LRRC4C: variants seen among roughly 807,000 people sequenced by gnomAD.
LRRC4C encodes the protein leucine rich repeat containing 4C.
LRRC4C carries 5 observed loss-of-function variants against 33.6 expected under a neutral mutation model. The ratio of observed to expected loss-of-function variants is 0.15; its 90% CI spans 0.08 to 0.31. The LOEUF is 0.31. Among genes scored for constraint, LRRC4C ranks in the 10% least tolerant of loss-of-function variants. The probability of loss-of-function intolerance (pLI) is 1.00; values close to 1 mark genes in which losing one functional copy is unlikely to be tolerated. For missense variants in LRRC4C, 560 were observed against 796.7 expected (o/e 0.70, Z 3.58); for synonymous variants, 329 against 302.0 (o/e 1.09, Z -0.93).
chr11:40,401,453 T>C (rs552896866), intron 3 of LRRC4C, among the ~76,000 whole-genome samples: 1 of 152,150 alleles, frequency 6.6e-6, no homozygotes, highest in African/African-American at 2.4e-5. Flanking sequence ...GGCTTTCATT[T>C]ACCCTTTGAG....
intron 1 of LRRC4C, among the ~76,000 whole-genome samples, chr11:41,366,569 T>G (rs1425900017): frequency 6.6e-6 from 1 of 152,260 alleles, no homozygotes; most frequent in African/African-American, 2.4e-5. Context: ...TAAATAGAGA[T>G]ATTATAAGCT....
intron 2 of LRRC4C, among the ~76,000 whole-genome samples, chr11:40,659,822 A>G (rs931243718): frequency 3.3e-5 from 5 of 152,152 alleles, no homozygotes; most frequent in Non-Finnish European, 7.4e-5. Flanking sequence ...GTCACTCGAG[A>G]AAACTCCTCT....
chr11:40,902,008 A>G (rs1592039901), intron 2 of LRRC4C, among the ~76,000 whole-genome samples: 1 of 94,018 alleles, frequency 1.1e-5, no homozygotes, highest in East Asian at 2.6e-4. Flanking sequence ...CTACACACAC[A>G]CACACACACA....
intron 2 of LRRC4C, among the ~76,000 whole-genome samples, chr11:40,774,062 G>A (rs1307588521): frequency 2.6e-5 from 4 of 151,978 alleles, no homozygotes; most frequent in Non-Finnish European, 5.9e-5. Flanking sequence ...TGTGTCAATT[G>A]ATCCATGGGC....
At chr11:40,711,487 G>T (rs1001773746) in intron 2 of LRRC4C, among the ~76,000 whole-genome samples, 3 of 152,064 alleles carry the variant, frequency 2.0e-5, no homozygotes, top group Admixed American at 1.3e-4. Context: ...AATAATTCAG[G>T]TTATGGTAGA....
chr11:40,993,993 C>T (rs1341881945), intron 1 of LRRC4C, among the ~76,000 whole-genome samples: 1 of 151,528 alleles, frequency 6.6e-6, no homozygotes, highest in Non-Finnish European at 1.5e-5. Flanking sequence ...ATAACGGGAA[C>T]TGGATGGGGC....
chr11:40,997,407 T>C lies in LRRC4C; in HGVS notation c.-495-63684A>G, dbSNP rs183452181. Among the ~76,000 whole-genome samples, 748 of 152,220 alleles carry C rather than the reference T, an allele frequency of 4.9e-3. 3 individuals are homozygous for C. The highest frequency in any genetic ancestry group is 6.5e-3 in the Non-Finnish European group (440 of 68,002). Reference sequence around the variant, plus strand: ...TTAGAGAGTAGCCAAAGATGTCAGATGTTGCAGAGACGTCAAAAGAGAAAA... The same window carrying C: ...TTAGAGAGTAGCCAAAGATGTCAGACGTTGCAGAGACGTCAAAAGAGAAAA... On this transcript the variant is annotated intron_variant, in intron 1 of 6. Coordinates refer to ENST00000528697, the MANE Select transcript of LRRC4C (RefSeq NM_001258419.2).
chr11:41,245,981 C>T (rs996618374), intron 1 of LRRC4C, among the ~76,000 whole-genome samples: 11 of 152,022 alleles, frequency 7.2e-5, no homozygotes, highest in Admixed American at 2.6e-4. Flanking sequence ...ATGGACAGCC[C>T]TGGAAAAGGC....
At chr11:40,575,060 A>G (rs2135588450) in intron 3 of LRRC4C, among the ~76,000 whole-genome samples, 1 of 152,314 alleles carries the variant, frequency 6.6e-6, no homozygotes. Flanking sequence ...CACCCAAAAG[A>G]TGAGCTCATG....
At chr11:40,391,905 A>C (rs755270720) in intron 3 of LRRC4C, among the ~76,000 whole-genome samples, 3 of 152,210 alleles carry the variant, frequency 2.0e-5, no homozygotes, top group Non-Finnish European at 4.4e-5. Flanking sequence ...GCTGTCCTTC[A>C]CCAGGCGGGT....
chr11:41,184,730 A>T (rs1945609537), intron 1 of LRRC4C, among the ~76,000 whole-genome samples: 1 of 151,914 alleles, frequency 6.6e-6, no homozygotes, highest in Admixed American at 6.6e-5. Flanking sequence ...TCTTTTCAGC[A>T]ACGTCCCACT....
At chr11:40,306,290 G>T (rs536307375) in intron 4 of LRRC4C, among the ~76,000 whole-genome samples, 1 of 152,168 alleles carries the variant, frequency 6.6e-6, no homozygotes, top group South Asian at 2.1e-4. Context: ...TCAAAATATG[G>T]TGTGACCTTG....
chr11:40,428,250 G>A (rs1950789787), intron 3 of LRRC4C, among the ~76,000 whole-genome samples: 1 of 151,990 alleles, frequency 6.6e-6, no homozygotes, highest in African/African-American at 2.4e-5. Flanking sequence ...TTCCCTAAGC[G>A]GCTACACAGG....
chr11:40,739,512 CA>C (rs987325823), intron 2 of LRRC4C, among the ~76,000 whole-genome samples: 4 of 151,746 alleles, frequency 2.6e-5, no homozygotes, highest in African/African-American at 7.3e-5. Flanking sequence ...TCAATATATA[CA>C]ATTATATATT....
chr11:40,798,770 A>T (rs1467944081), intron 2 of LRRC4C, among the ~76,000 whole-genome samples: 1 of 151,670 alleles, frequency 6.6e-6, no homozygotes, highest in Non-Finnish European at 1.5e-5. Flanking sequence ...CAGCCTCCCA[A>T]GTAGCTGGGA....
intron 2 of LRRC4C, among the ~76,000 whole-genome samples, chr11:40,797,841 C>T (rs758713781): frequency 6.6e-6 from 1 of 152,116 alleles, no homozygotes; most frequent in South Asian, 2.1e-4. Flanking sequence ...TTAGTATTTG[C>T]TGCATCTATA....
At chr11:41,447,049 T>C (rs185101920) in intron 1 of LRRC4C, among the ~76,000 whole-genome samples, 5 of 152,304 alleles carry the variant, frequency 3.3e-5, no homozygotes, top group Admixed American at 3.3e-4. Context: ...TCGTTTTAAT[T>C]ATGCAGAAGA....
chr11:40,672,132 T>G (rs1565621703), intron 2 of LRRC4C, among the ~76,000 whole-genome samples: 1 of 152,170 alleles, frequency 6.6e-6, no homozygotes, highest in South Asian at 2.1e-4. Context: ...CTCACAGTTC[T>G]GTAGAATGAA....
chr11:40,368,790 T>G (rs987361158), intron 3 of LRRC4C, among the ~76,000 whole-genome samples: 1 of 152,182 alleles, frequency 6.6e-6, no homozygotes, highest in Non-Finnish European at 1.5e-5. Context: ...ACCCGTCCCC[T>G]GGGCTTTGCA....
Sources: gnomAD v4.1 joint callset for allele counts (sites outside exome capture counted in the v4.1 genomes callset) on GRCh38, gnomAD v4.1.1 for gene constraint, MANE v1.5 for transcripts, NCBI Gene and HGNC (gene_info 2026-07-23, HGNC 2026-07-21) for gene names.